The following SQSTM1 variants were observed in gnomAD, a reference collection of about 807,000 sequenced individuals.
SQSTM1 encodes sequestosome-1.
Under a neutral mutation model 45.1 loss-of-function variants are expected in SQSTM1, and 36 were observed. That is an observed-to-expected ratio of 0.80 (90% confidence interval 0.61 to 1.05). SQSTM1 has a LOEUF of 1.05. Ranked by LOEUF, SQSTM1 falls within the 50% of genes least tolerant of loss-of-function variation. The probability of loss-of-function intolerance (pLI) is 0.00; values close to 1 mark genes in which losing one functional copy is unlikely to be tolerated. For missense variants in SQSTM1, 617 were observed against 607.1 expected, an observed-to-expected ratio of 1.02 and a Z score of -0.17; for synonymous variants, 290 against 244.3, an observed-to-expected ratio of 1.19 and a Z score of -1.74.
Position 179,806,965 on chromosome 5 carries a change from G to A in SQSTM1, c.-157+374G>A, listed in dbSNP as rs1328698200. 3 of 150,956 alleles carry A rather than the reference G, an allele frequency of 2.0e-5. No individual in the cohort carries two copies. The highest frequency in any genetic ancestry group is 4.4e-5 in the Non-Finnish European group (3 of 67,624). The allele number at this position is 150,956 out of a possible 1,614,324, so 9.4% of individuals were successfully genotyped here. ...GCCTGGATCTGGGGCCTGGATCTGG[G>A]GCCGCCGCGGAGTCGACGGCGCAGG... On this transcript the variant is annotated intron_variant, in intron 1 of 5. Coordinates refer to the SQSTM1 transcript ENST00000514093. The surrounding 1 kb of genome is among the most constrained non-coding windows in gnomAD (Gnocchi z 4.6).
At chr5:179,827,288 T>A (rs984617525) in intron 5 of SQSTM1, among the ~76,000 whole-genome samples, 9 of 152,288 alleles carry the variant, frequency 5.9e-5, no homozygotes, top group Non-Finnish European at 1.0e-4. Context: ...ACAGGAATAA[T>A]CTTGCAGATG....
chr5:179,834,562 C>T (rs1388562632), intron 7 of SQSTM1, among the ~76,000 whole-genome samples: 14 of 151,082 alleles, frequency 9.3e-5, no homozygotes, highest in Admixed American at 1.3e-4. Context: ...ACCCTGCGGC[C>T]TTCCGCAGCG....
rs155790 is a variant in SQSTM1 at position 179,836,676 on chromosome 5, G to C, written c.*83G>C. ...TGCGTAGAATTGCAGGTCTCTGTAC[G>C]GGCCAGTTTCTCTGCCTTCTTCCAG... On this transcript the variant is annotated 3_prime_UTR_variant, in exon 8 of 8. Transcript: ENST00000389805. 6.3e-7 allele frequency: 1 copy of C among 1,599,632 alleles called. No individual in the cohort carries two copies. Among genetic ancestry groups the C allele is most frequent in the Non-Finnish European group, 8.6e-7 (1 of 1,167,446 alleles).
upstream of SQSTM1, among the ~76,000 whole-genome samples, chr5:179,817,208 C>T (rs1197346386): frequency 1.3e-5 from 2 of 152,234 alleles, no homozygotes; most frequent in Non-Finnish European, 2.9e-5. Context: ...CAGTGACCCC[C>T]ACATCCCTTG....
chr5:179,836,106 G>C (rs549935381), intron 7 of SQSTM1: 35 of 453,354 alleles, frequency 7.7e-5, no homozygotes, highest in African/African-American at 6.5e-4. Context: ...TTGCATGGAG[G>C]AGTGTAATAA....
At position 179,837,632 on chromosome 5, in the gene SQSTM1, T is replaced by C. The variant is rs1170091584; in HGVS notation, c.*1039T>C. ...TGAGGCCTGTGCTCTGGGGGTCCCT[T>C]GCTTAGCCTGTGCTGGACCAGCTGG... On this transcript the variant is annotated 3_prime_UTR_variant, in exon 8 of 8. Coordinates refer to ENST00000389805, the MANE Select transcript of SQSTM1 (RefSeq NM_003900.5). 1 of 1,614,216 alleles carries C rather than the reference T, an allele frequency of 6.2e-7. No homozygotes were observed. The highest frequency in any genetic ancestry group is 1.7e-5 in the Admixed American group (1 of 60,026).
intron 6 of SQSTM1, 141 bp downstream of exon 6, chr5:179,833,387 C>A: frequency 9.8e-7 from 1 of 1,021,914 alleles, no homozygotes; most frequent in South Asian, 1.4e-5. Context: ...ATGTCTGTGC[C>A]ATTAAAGTCA....
intron 1 of SQSTM1, among the ~76,000 whole-genome samples, chr5:179,809,637 CTTT>C (rs1181470503): frequency 5.2e-5 from 4 of 77,646 alleles, no homozygotes; most frequent in South Asian, 4.6e-4. Context: ...GCGCCTGGCC[CTTT>C]TTTTTTTTTT....
Position 179,820,961 on chromosome 5 carries a change from T to C in SQSTM1, c.25T>C (p.Tyr9His), listed in dbSNP as rs1757750915. The C allele has an allele frequency of 3.2e-6, 5 of 1,571,440 alleles. No individual in the cohort carries two copies. The highest frequency in any genetic ancestry group is 3.4e-6 in the Non-Finnish European group (4 of 1,166,816). MASLTVKAYLLGKEDAARE... is the reference protein window; with the variant it reads MASLTVKAHLLGKEDAARE... ...TATGGCGTCGCTCACCGTGAAGGCCTACCTTCTGGGCAAGGAGGACGCGGC... is the reference window on the plus strand; with the variant it reads ...TATGGCGTCGCTCACCGTGAAGGCCCACCTTCTGGGCAAGGAGGACGCGGC... The change falls in exon 1 of 8, where the codon TAC becomes CAC. Residue 9 changes from tyrosine (Y) to histidine (H), a missense_variant. Transcript: ENST00000389805.
chr5:179,826,634 C>G (rs1758001809), intron 5 of SQSTM1, among the ~76,000 whole-genome samples: 1 of 150,034 alleles, frequency 6.7e-6, no homozygotes, highest in African/African-American at 2.5e-5. Context: ...GACTTTCACC[C>G]TTGTCGCCTA....
intron 1 of SQSTM1, 74 bp downstream of exon 1, chr5:179,821,215 C>T (rs1378844285): frequency 1.5e-5 from 19 of 1,284,966 alleles, no homozygotes; most frequent in Non-Finnish European, 1.6e-5. Flanking sequence ...TGGCTGCCCC[C>T]TCCCTTCTCG....
In SQSTM1 at chr5:179,809,637, CTTTTTTTTT is replaced by C. The variant is rs1181470503; in HGVS notation, c.-156-1921_-156-1913del. On this transcript the variant is annotated intron_variant, in intron 1 of 5. Coordinates refer to the SQSTM1 transcript ENST00000514093. ...CAGGCATGAGCCACTGCGCCTGGCC[CTTTTTTTTT>C]TTTTTTTTTTTTTTTGAAACGGAGT... Among the ~76,000 whole-genome samples, 158 of 77,668 alleles carry C rather than the reference CTTTTTTTTT, an allele frequency of 2.0e-3. 1 individual carries two copies. Among genetic ancestry groups the C allele is most frequent in the African/African-American group, 8.2e-3 (150 of 18,292 alleles). 51.0% of individuals were successfully genotyped at this position (77,668 alleles called of 152,430 possible). A position where few individuals can be genotyped will look rare whatever the true frequency, so the allele number is the denominator to read the frequency against.
Position 179,820,920 on chromosome 5 carries a change from C to T in SQSTM1, c.-17C>T, listed in dbSNP as rs761120269. 9.8e-5 allele frequency: 149 copies of T among 1,522,330 alleles called. No homozygotes were observed. The highest frequency in any genetic ancestry group is 1.3e-4 in the Non-Finnish European group (143 of 1,136,262). 94.3% of individuals were successfully genotyped at this position (1,522,330 alleles called of 1,614,324 possible). A position where few individuals can be genotyped will look rare whatever the true frequency, so the allele number is the denominator to read the frequency against. The stretch of plus-strand genomic sequence containing the variant: ...TGCGACCGGGACGGCCCGTTTTCCG[C>T]CAGCTCGCCGCTCGCTATGGCGTCG... On this transcript the variant is annotated 5_prime_UTR_variant, in exon 1 of 8. Coordinates refer to ENST00000389805, the MANE Select transcript of SQSTM1 (RefSeq NM_003900.5).
upstream of SQSTM1, chr5:179,818,845 TGC>T (rs761655571): frequency 6.6e-6 from 1 of 152,234 alleles, no homozygotes; most frequent in Non-Finnish European, 1.5e-5. Flanking sequence ...TCCCTGGGCA[TGC>T]ACGCCGGGCC....
upstream of SQSTM1, among the ~76,000 whole-genome samples, chr5:179,816,933 C>T (rs1757597661): frequency 6.6e-6 from 1 of 152,196 alleles, no homozygotes; most frequent in African/African-American, 2.4e-5. Context: ...GGTCCCAGCG[C>T]GACCCGCCTC....
At chr5:179,833,836 C>T in intron 7 of SQSTM1, 54 bp downstream of exon 7, 3 of 1,573,606 alleles carry the variant, frequency 1.9e-6, no homozygotes, top group South Asian at 2.2e-5. Flanking sequence ...TTAGAGCATC[C>T]TGCCCTCCTC....
chr5:179,810,760 C>G (rs1005372187), intron 1 of SQSTM1, among the ~76,000 whole-genome samples: 1 of 152,224 alleles, frequency 6.6e-6, no homozygotes, highest in East Asian at 1.9e-4. Flanking sequence ...TATTTCTCCA[C>G]ATCCTCTCCA....
chr5:179,809,155 C>CT (rs148749058), intron 1 of SQSTM1, among the ~76,000 whole-genome samples: 13,593 of 100,222 alleles, frequency 0.14, 1,599 homozygotes, highest in Non-Finnish European at 0.19. Flanking sequence ...CCACCCCGGC[C>CT]TTTTTTTTTT....
chr5:179,817,316 C>A (rs1442667251), upstream of SQSTM1, among the ~76,000 whole-genome samples: 1 of 152,216 alleles, frequency 6.6e-6, no homozygotes, highest in East Asian at 1.9e-4. Context: ...CCTTTAGACA[C>A]CGCCGGGCGT....
Sources: gnomAD v4.1 joint callset for allele counts (sites outside exome capture counted in the v4.1 genomes callset) on GRCh38, gnomAD v4.1.1 for gene constraint, Gnocchi (gnomAD v3.1) non-coding constraint, MANE v1.5 for transcripts, NCBI Gene and HGNC (gene_info 2026-07-23, HGNC 2026-07-21) for gene names.